The following SNTG1 variants were observed in gnomAD, a reference collection of about 807,000 sequenced individuals.
The protein encoded by SNTG1 is gamma-1-syntrophin.
SNTG1 carries 39 observed loss-of-function variants against 74.7 expected under a neutral mutation model. That is an observed-to-expected ratio of 0.52 (90% CI 0.40 to 0.68). SNTG1 has a LOEUF of 0.68. Among genes scored for constraint, SNTG1 ranks in the 30% least tolerant of loss-of-function variants. The pLI is 0.00. For missense variants in SNTG1, 685 were observed against 609.5 expected, an observed-to-expected ratio of 1.12 and a Z score of -1.30; for synonymous variants, 254 against 217.1, an observed-to-expected ratio of 1.17 and a Z score of -1.49.
intron 1 of SNTG1, among the ~76,000 whole-genome samples, chr8:50,052,003 A>T (rs1819616443): frequency 6.6e-6 from 1 of 152,074 alleles, no homozygotes; most frequent in Non-Finnish European, 1.5e-5. Context: ...GACCTAAAGA[A>T]ACAATGCTTT....
chr8:50,423,886 A>C (rs2093128894), intron 4 of SNTG1, among the ~76,000 whole-genome samples: 1 of 152,224 alleles, frequency 6.6e-6, no homozygotes, highest in South Asian at 2.1e-4. Context: ...GGGAGCCGAC[A>C]TAAAGTGGTC....
intron 2 of SNTG1, among the ~76,000 whole-genome samples, chr8:50,223,431 A>G (rs1214706734): frequency 1.3e-5 from 2 of 152,168 alleles, no homozygotes; most frequent in Non-Finnish European, 2.9e-5. Flanking sequence ...AATTAAATTA[A>G]AAATTAGCAA....
At chr8:50,620,790 C>G (rs998861493) in intron 13 of SNTG1, among the ~76,000 whole-genome samples, 3 of 151,434 alleles carry the variant, frequency 2.0e-5, no homozygotes, top group African/African-American at 7.3e-5. Flanking sequence ...TTTAAACTGA[C>G]TTCTAGATAG....
intron 2 of SNTG1, among the ~76,000 whole-genome samples, chr8:50,357,148 T>A (rs1356638207): frequency 6.6e-6 from 1 of 152,184 alleles, no homozygotes; most frequent in Non-Finnish European, 1.5e-5. Flanking sequence ...ATTTCCCACG[T>A]CAGCCATACT....
At chr8:50,178,406 C>G (rs187970738) in intron 2 of SNTG1, among the ~76,000 whole-genome samples, 1 of 151,086 alleles carries the variant, frequency 6.6e-6, no homozygotes, top group Non-Finnish European at 1.5e-5. Flanking sequence ...CACACGTGCG[C>G]GCGCACACAC....
intron 4 of SNTG1, among the ~76,000 whole-genome samples, chr8:50,412,261 TA>T (rs1433153666): frequency 3.9e-5 from 6 of 152,300 alleles, no homozygotes; most frequent in Admixed American, 3.9e-4. Context: ...TTTATACATA[TA>T]AAGCAAATTT....
At chr8:50,042,336 C>T (rs62515378) in intron 1 of SNTG1, among the ~76,000 whole-genome samples, 3,636 of 152,230 alleles carry the variant, frequency 0.024, 107 homozygotes, top group Middle Eastern at 0.031. Context: ...GTAGGTCCTA[C>T]CCCTAATCCA....
chr8:50,250,831 C>A (rs1414725048), intron 2 of SNTG1, among the ~76,000 whole-genome samples: 1 of 151,922 alleles, frequency 6.6e-6, no homozygotes, highest in Non-Finnish European at 1.5e-5. Flanking sequence ...ATTAAAATGA[C>A]CTTATTAGAA....
intron 17 of SNTG1, among the ~76,000 whole-genome samples, chr8:50,716,767 C>A (rs2131579442): frequency 6.6e-6 from 1 of 150,546 alleles, no homozygotes; most frequent in Middle Eastern, 3.4e-3. Flanking sequence ...GAGTCTCACA[C>A]TGTCGCCCAG....
intron 1 of SNTG1, among the ~76,000 whole-genome samples, chr8:49,920,527 A>G (rs1806437612): frequency 2.0e-5 from 3 of 152,082 alleles, no homozygotes; most frequent in Non-Finnish European, 4.4e-5. Flanking sequence ...GACTTGCTTT[A>G]GATTGCAGTA....
At chr8:50,714,850 T>G (rs1395423391) in intron 17 of SNTG1, among the ~76,000 whole-genome samples, 1 of 151,838 alleles carries the variant, frequency 6.6e-6, no homozygotes, top group African/African-American at 2.4e-5. Context: ...ATCAAGCAGG[T>G]GGGGGCAATA....
intron 2 of SNTG1, among the ~76,000 whole-genome samples, chr8:50,280,429 A>G (rs1481461746): frequency 6.6e-6 from 1 of 152,220 alleles, no homozygotes; most frequent in Non-Finnish European, 1.5e-5. Flanking sequence ...GCTGTAAACA[A>G]AAACAGAATT....
intron 1 of SNTG1, chr8:50,164,430 C>A (rs533477966): frequency 6.6e-6 from 1 of 152,214 alleles, no homozygotes; most frequent in Non-Finnish European, 1.5e-5. Flanking sequence ...GGTACTTATT[C>A]ATTTAAAGCT....
chr8:50,694,918 A>C (rs2095398235), intron 15 of SNTG1, among the ~76,000 whole-genome samples: 1 of 151,726 alleles, frequency 6.6e-6, no homozygotes, highest in Non-Finnish European at 1.5e-5. Context: ...CAGATTAGTT[A>C]TAAAAGAAAT....
chr8:50,334,525 T>C (rs542292162), intron 2 of SNTG1, among the ~76,000 whole-genome samples: 11 of 147,600 alleles, frequency 7.5e-5, no homozygotes, highest in African/African-American at 2.2e-4. Flanking sequence ...AAAAAGGAAA[T>C]AGCAGCCCTC....
At chr8:50,230,179 A>T (rs187575952) in intron 2 of SNTG1, among the ~76,000 whole-genome samples, 1 of 151,632 alleles carries the variant, frequency 6.6e-6, no homozygotes, top group African/African-American at 2.4e-5. Flanking sequence ...AGAAAAAGCA[A>T]TTTTAGCCTA....
chr8:50,213,288 C>G (rs918418537), intron 2 of SNTG1, among the ~76,000 whole-genome samples: 2 of 152,054 alleles, frequency 1.3e-5, no homozygotes, highest in Admixed American at 1.3e-4. Flanking sequence ...TCATATGGCT[C>G]CAGCAAACCA....
chr8:50,742,294 A>T (rs1266751913), intron 17 of SNTG1, among the ~76,000 whole-genome samples: 1 of 152,054 alleles, frequency 6.6e-6, no homozygotes, highest in African/African-American at 2.4e-5. Flanking sequence ...GTCATGATAG[A>T]TTTTAAATGA....
intron 15 of SNTG1, among the ~76,000 whole-genome samples, chr8:50,680,975 G>A (rs187627440): frequency 2.6e-5 from 4 of 152,106 alleles, no homozygotes; most frequent in East Asian, 3.9e-4. Context: ...CTTAAATTTC[G>A]TTTGGTTTAT....
Sources: gnomAD v4.1 joint callset for allele counts (sites outside exome capture counted in the v4.1 genomes callset) on GRCh38, gnomAD v4.1.1 for gene constraint, MANE v1.5 for transcripts, NCBI Gene and HGNC (gene_info 2026-07-23, HGNC 2026-07-21) for gene names.